The following PKHD1 variants were observed in gnomAD, a reference collection of about 807,000 sequenced individuals.
PKHD1 encodes PKHD1 ciliary IPT domain containing fibrocystin/polyductin.
A neutral mutation model predicts 412.0 loss-of-function variants in PKHD1; 291 were observed. The ratio of observed to expected loss-of-function variants is 0.71; its 90% CI spans 0.64 to 0.78. The LOEUF (loss-of-function observed/expected upper bound fraction) is 0.78. PKHD1 is among the 30% of genes least tolerant of loss of function. The pLI is 0.00. For synonymous variants in PKHD1, 1,777 were observed against 1,821.5 expected (o/e 0.98, Z 0.62); for missense variants, 4,825 against 4,950.7 (o/e 0.97, Z 0.76).
chr6:51,737,543 G>T (rs1002402495), intron 60 of PKHD1, among the ~76,000 whole-genome samples: 1 of 152,140 alleles, frequency 6.6e-6, no homozygotes, highest in Non-Finnish European at 1.5e-5. Context: ...GTTTATATCT[G>T]TTGGTATTTG....
intron 36 of PKHD1, among the ~76,000 whole-genome samples, chr6:51,941,739 A>T (rs1788612729): frequency 6.6e-6 from 1 of 151,318 alleles, no homozygotes; most frequent in African/African-American, 2.4e-5. Context: ...TCCACAACCC[A>T]TTATTCTGTT....
chr6:51,747,970 G>A lies in PKHD1; in HGVS notation c.9646C>T (p.Gln3216Ter), dbSNP rs758732107. Residue 3216 changes from glutamine to a stop codon, truncating the protein, a stop_gained, in exon 58 of 67, where the codon CAG becomes TAG. Transcript: ENST00000371117. LOFTEE classifies it high-confidence loss of function. Reference sequence around the variant, plus strand: ...GCTGAGTGCGGCTTCACTTTGTCCTGAATGCAGTCAAAAGAAGAGCTGGTG... The same window carrying A: ...GCTGAGTGCGGCTTCACTTTGTCCTAAATGCAGTCAAAAGAAGAGCTGGTG... ...VATSSSFDCI[Q>*]DKVKPHSANL... The A allele has an allele frequency of 1.9e-6, 3 of 1,614,032 alleles. No individual in the cohort carries two copies. The African/African-American group carries it at 4.0e-5, about 22-fold the overall frequency.
intron 43 of PKHD1, among the ~76,000 whole-genome samples, chr6:51,896,360 AC>A (rs1176923847): frequency 1.3e-4 from 19 of 151,846 alleles, no homozygotes; most frequent in East Asian, 7.7e-4. Flanking sequence ...CTGACCCCTG[AC>A]CCCCGAGCAG....
intron 33 of PKHD1, among the ~76,000 whole-genome samples, chr6:52,022,114 G>T (rs1208452590): frequency 2.0e-5 from 3 of 152,056 alleles, no homozygotes; most frequent in Non-Finnish European, 4.4e-5. Context: ...GCTCAGTGGG[G>T]TATTACCATG....
In PKHD1 at chr6:51,909,326, G is replaced by A; in HGVS notation, c.6639C>T (p.Phe2213=). ...GAGTGAGTGAGCTCAGATGCTTATGGAAGGCTTGCCCCAAGACTTGAAACT... is the reference window on the plus strand; with the variant it reads ...GAGTGAGTGAGCTCAGATGCTTATGAAAGGCTTGCCCCAAGACTTGAAACT... ...GVQFQVLGQA[F]HKHLSSLTLV... is the part of the protein sequence containing the mutation. The change falls in exon 40 of 67, where the codon TTC becomes TTT. Residue 2213 remains phenylalanine, a synonymous_variant. Coordinates refer to ENST00000371117, the MANE Select transcript of PKHD1 (RefSeq NM_138694.4). 6.2e-7 allele frequency: 1 copy of A among 1,613,522 alleles called. No individual in the cohort carries two copies. Among genetic ancestry groups the A allele is most frequent in the Non-Finnish European group, 8.5e-7 (1 of 1,179,634 alleles).
chr6:51,816,369 A>T (rs536110395), intron 52 of PKHD1, among the ~76,000 whole-genome samples: 1 of 152,326 alleles, frequency 6.6e-6, no homozygotes, highest in South Asian at 2.1e-4. Context: ...TTGCATGTAG[A>T]TGTCTGTACA....
At chr6:52,034,235 A>G (rs181640413) in intron 28 of PKHD1, among the ~76,000 whole-genome samples, 135 of 151,694 alleles carry the variant, frequency 8.9e-4, no homozygotes, top group Non-Finnish European at 1.4e-3. Context: ...TTCTGCCAGC[A>G]TCATCTAAAT....
Position 52,024,880 on chromosome 6 carries a change from A to G in PKHD1, c.4930T>C (p.Trp1644Arg). The change falls in exon 32 of 67, where the codon TGG (tryptophan) becomes CGG (arginine). Residue 1644 changes from tryptophan to arginine, a missense_variant. Trp to Arg is a moderately radical substitution (Grantham distance 101). Coordinates refer to ENST00000371117, the MANE Select transcript of PKHD1 (RefSeq NM_138694.4). Reference protein sequence around the residue: ...VALEIEVDGLWYHIGVIGYNK... With the variant: ...VALEIEVDGLRYHIGVIGYNK... Reference sequence around the variant, plus strand: ...TAACCAATGACTCCTATGTGATACCAAAGTCCATCTACCTCTATTTCCAGG... The same window carrying G: ...TAACCAATGACTCCTATGTGATACCGAAGTCCATCTACCTCTATTTCCAGG... 1 of 1,614,212 alleles carries G rather than the reference A, an allele frequency of 6.2e-7. No individual in the cohort carries two copies.
chr6:52,054,088 C>T lies in PKHD1; in HGVS notation c.1914G>A (p.Met638Ile). Residue 638 changes from methionine to isoleucine, a missense_variant, in exon 20 of 67, where the codon ATG becomes ATA. Coordinates refer to ENST00000371117, the MANE Select transcript of PKHD1 (RefSeq NM_138694.4). Reference protein sequence around the residue: ...IVSFTIGFQNMVKNTTCDWSL... With the variant: ...IVSFTIGFQNIVKNTTCDWSL... ...TCCAGTCACAGGTGGTATTCTTTACCATGTTTTGAAAGCCGATTGTGAAGG... is the reference window on the plus strand; with the variant it reads ...TCCAGTCACAGGTGGTATTCTTTACTATGTTTTGAAAGCCGATTGTGAAGG... The T allele has an allele frequency of 6.2e-7, 1 of 1,613,972 alleles. No individual in the cohort carries two copies. Among genetic ancestry groups the T allele is most frequent in the Non-Finnish European group, 8.5e-7 (1 of 1,179,902 alleles).
At chr6:51,636,695 GA>G (rs1768621462) in intron 64 of PKHD1, among the ~76,000 whole-genome samples, 1 of 152,136 alleles carries the variant, frequency 6.6e-6, no homozygotes, top group Admixed American at 6.5e-5. Flanking sequence ...GAAAATGTGT[GA>G]ATATACGCTG....
intron 60 of PKHD1, among the ~76,000 whole-genome samples, chr6:51,722,260 T>C (rs1782020695): frequency 6.6e-6 from 1 of 152,188 alleles, no homozygotes; most frequent in Non-Finnish European, 1.5e-5. Context: ...TAGGTGCTTA[T>C]CTTACATTGC....
chr6:51,857,351 T>C (rs570441143), intron 48 of PKHD1, among the ~76,000 whole-genome samples: 7 of 152,308 alleles, frequency 4.6e-5, no homozygotes, highest in South Asian at 2.1e-4. Flanking sequence ...AAAGAGGACA[T>C]TGGGTTTTCA....
At position 51,748,104 on chromosome 6, in the gene PKHD1, G is replaced by A; in HGVS notation, c.9512C>T (p.Thr3171Ile). 6.2e-7 allele frequency: 1 copy of A among 1,613,900 alleles called. No individual in the cohort carries two copies. The highest frequency in any genetic ancestry group is 8.5e-7 in the Non-Finnish European group (1 of 1,179,790). ...VENSVEIENI[T>I]LVDNTIGLLA... is the part of the protein sequence containing the mutation. ...AAGACCAATAGTATTGTCTACCAGAGTAATGTTCTCTATCTCCACGCTGTT... is the reference window on the plus strand; with the variant it reads ...AAGACCAATAGTATTGTCTACCAGAATAATGTTCTCTATCTCCACGCTGTT... The change falls in exon 58 of 67, where the codon ACT becomes ATT. Residue 3171 changes from threonine to isoleucine, a missense_variant. Coordinates refer to ENST00000371117, the MANE Select transcript of PKHD1 (RefSeq NM_138694.4).
chr6:51,777,776 T>C (rs1183551459), intron 53 of PKHD1, among the ~76,000 whole-genome samples: 2 of 145,102 alleles, frequency 1.4e-5, no homozygotes, highest in African/African-American at 5.1e-5. Context: ...CCTAGAGAAA[T>C]GTATGCAGAG....
chr6:51,869,309 C>T (rs187162943), intron 47 of PKHD1, among the ~76,000 whole-genome samples: 1 of 152,220 alleles, frequency 6.6e-6, no homozygotes, highest in Non-Finnish European at 1.5e-5. Flanking sequence ...TTCTATTCAC[C>T]TTCCTAAACC....
chr6:51,742,673 C>A (rs546817158), intron 60 of PKHD1, among the ~76,000 whole-genome samples: 2 of 152,022 alleles, frequency 1.3e-5, no homozygotes, highest in East Asian at 3.9e-4. Context: ...TATTGAGTAA[C>A]CCCCAAATAC....
intron 35 of PKHD1, among the ~76,000 whole-genome samples, chr6:51,996,041 C>T (rs1192709996): frequency 6.6e-6 from 1 of 151,734 alleles, no homozygotes. Flanking sequence ...AGTCTCGCTC[C>T]GTCGCCCAGA....
chr6:51,661,013 C>T (rs1460275526), intron 60 of PKHD1, among the ~76,000 whole-genome samples: 1 of 152,074 alleles, frequency 6.6e-6, no homozygotes, highest in African/African-American at 2.4e-5. Context: ...CTGAGGCTAT[C>T]CAGTAGTTGA....
chr6:51,768,035 T>A (rs55667159), intron 55 of PKHD1, among the ~76,000 whole-genome samples: 27,831 of 151,806 alleles, frequency 0.18, 3,334 homozygotes, highest in African/African-American at 0.34. Flanking sequence ...GGTATCTCAT[T>A]GTGGTTTTGA....
Sources: allele counts gnomAD v4.1 joint callset (sites outside exome capture counted in the v4.1 genomes callset), GRCh38; gene constraint gnomAD v4.1.1; transcripts MANE v1.5; gene names NCBI Gene and HGNC (gene_info 2026-07-23, HGNC 2026-07-21).